Variants in ZFHX3 observed in about 807,000 individuals in gnomAD.
The protein encoded by ZFHX3 is zinc finger homeobox 3, also known as zinc finger homeobox protein 3.
ZFHX3 carries 42 observed loss-of-function variants against 279.1 expected under a neutral mutation model. The ratio of observed to expected loss-of-function variants is 0.15; its 90% confidence interval spans 0.12 to 0.19. The LOEUF (loss-of-function observed/expected upper bound fraction) is 0.19, where lower values mean the gene tolerates loss of function less well. ZFHX3 is among the 10% of genes least tolerant of loss of function. ZFHX3 has a pLI of 1.00. For missense variants in ZFHX3, 4,981 were observed against 4,754.0 expected (o/e 1.05, Z -1.40); for synonymous variants, 2,293 against 1,957.8 (o/e 1.17, Z -4.52).
At chr16:73,478,399 G>A (rs573202210) in intron 2 of ZFHX3, among the ~76,000 whole-genome samples, 24 of 152,026 alleles carry the variant, frequency 1.6e-4, no homozygotes, top group East Asian at 7.7e-4. Flanking sequence ...CTTCTTCCCT[G>A]CTAGTTTATT....
chr16:72,795,509 G>A lies in ZFHX3; in HGVS notation c.7173C>T (p.Tyr2391=), dbSNP rs745412336. The A allele has an allele frequency of 1.1e-5, 18 of 1,614,052 alleles. No homozygotes were observed. Among genetic ancestry groups the A allele is most frequent in the Non-Finnish European group, 1.5e-5 (18 of 1,180,032 alleles). The stretch of plus-strand genomic sequence containing the variant: ...TATTGGCTGATGGTGCTGGGGCGCT[G>A]TAAGCCTGTGAGGGCATCGGGGTAC... ...SCSTPMPSQA[Y]SAPAPSANNT... is the part of the protein sequence containing the mutation. Residue 2391 remains tyrosine (Y), a synonymous_variant, in exon 9 of 10, where the codon TAC becomes TAT. Transcript: ENST00000268489.
chr16:73,080,970 C>G (rs373719526), intron 8 of ZFHX3, among the ~76,000 whole-genome samples: 4 of 152,172 alleles, frequency 2.6e-5, no homozygotes, highest in African/African-American at 9.7e-5. Context: ...TCCCTCCACC[C>G]GAGTTTGTGC....
intron 6 of ZFHX3, among the ~76,000 whole-genome samples, chr16:73,135,539 C>G (rs966608387): frequency 6.6e-6 from 1 of 152,166 alleles, no homozygotes; most frequent in Non-Finnish European, 1.5e-5. Context: ...TTTTTAGTTC[C>G]GAATCGCTCA....
chr16:73,024,297 G>A (rs1438288855), intron 1 of ZFHX3, among the ~76,000 whole-genome samples: 1 of 152,158 alleles, frequency 6.6e-6, no homozygotes, highest in African/African-American at 2.4e-5. Context: ...TCTCCCAGCT[G>A]GGGAGAAACT....
chr16:73,231,695 G>A (rs150204310), intron 5 of ZFHX3, among the ~76,000 whole-genome samples: 1 of 152,296 alleles, frequency 6.6e-6, no homozygotes, highest in Non-Finnish European at 1.5e-5. Context: ...TCTCCAAGAA[G>A]CAAATGTATC....
intron 1 of ZFHX3, among the ~76,000 whole-genome samples, chr16:73,788,733 T>C (rs1240068445): frequency 2.6e-5 from 4 of 151,374 alleles, no homozygotes; most frequent in Admixed American, 2.0e-4. Flanking sequence ...TATCTATATA[T>C]AGATATATCT....
chr16:73,505,206 A>C (rs1157465233), intron 2 of ZFHX3, among the ~76,000 whole-genome samples: 13 of 152,212 alleles, frequency 8.5e-5, no homozygotes, highest in Admixed American at 8.5e-4. Context: ...GAAAAAATAC[A>C]ATAAATATAA....
intron 1 of ZFHX3, among the ~76,000 whole-genome samples, chr16:73,739,769 T>C (rs1203486741): frequency 3.9e-5 from 6 of 152,200 alleles, no homozygotes; most frequent in African/African-American, 9.6e-5. Flanking sequence ...TGGTCTAGGC[T>C]GGTCCAGGCC....
At chr16:73,562,574 C>G (rs912979585) in intron 2 of ZFHX3, among the ~76,000 whole-genome samples, 2 of 131,724 alleles carry the variant, frequency 1.5e-5, no homozygotes, top group Admixed American at 1.8e-4. Context: ...CCAGCCTGGG[C>G]GACAGAGCCA....
At chr16:72,926,514 AGCTGG>A (rs1959455326) in intron 3 of ZFHX3, among the ~76,000 whole-genome samples, 1 of 152,224 alleles carries the variant, frequency 6.6e-6, no homozygotes, top group Admixed American at 6.5e-5. Flanking sequence ...TTCTCAAATG[AGCTGG>A]AAGTGTCTCT....
At chr16:73,074,346 A>G (rs1036736964) in intron 8 of ZFHX3, among the ~76,000 whole-genome samples, 2 of 152,210 alleles carry the variant, frequency 1.3e-5, no homozygotes, top group South Asian at 2.1e-4. Context: ...GTAAAACTGT[A>G]CGGAAACCAA....
At chr16:73,446,636 G>A (rs930460190) in intron 3 of ZFHX3, among the ~76,000 whole-genome samples, 4 of 152,124 alleles carry the variant, frequency 2.6e-5, no homozygotes, top group Non-Finnish European at 5.9e-5. Flanking sequence ...CACAGGAATA[G>A]AAAACCAAGT....
intron 1 of ZFHX3, among the ~76,000 whole-genome samples, chr16:73,018,742 C>G (rs1280481392): frequency 6.6e-6 from 1 of 152,220 alleles, no homozygotes; most frequent in Non-Finnish European, 1.5e-5. Context: ...CCCTGAAGGA[C>G]TGAAGCTAGC....
At chr16:73,549,994 ATTTATC>A (rs921664650) in intron 2 of ZFHX3, among the ~76,000 whole-genome samples, 5 of 151,566 alleles carry the variant, frequency 3.3e-5, no homozygotes, top group African/African-American at 1.2e-4. Context: ...AGATAAAACA[ATTTATC>A]TTTATCATTT....
In ZFHX3 at chr16:72,797,106, G is replaced by C; in HGVS notation, c.5576C>G (p.Ser1859Cys). 4 of 1,613,846 alleles carry C rather than the reference G, an allele frequency of 2.5e-6. No homozygotes were observed. Among genetic ancestry groups the C allele is most frequent in the Non-Finnish European group, 3.4e-6 (4 of 1,180,020 alleles). ...ILPQQQQNQL[S>C]IAQSHSALLQ... is the part of the protein sequence containing the mutation. ...GAGGGCAGAGTGACTCTGGGCTATAGAGAGTTGGTTCTGCTGCTGCTGCGG... is the reference window on the plus strand; with the variant it reads ...GAGGGCAGAGTGACTCTGGGCTATACAGAGTTGGTTCTGCTGCTGCTGCGG... Residue 1859 changes from serine (S) to cysteine (C), a missense_variant, in exon 9 of 10, where the codon TCT (serine) becomes TGT (cysteine). Around this residue, in one of 7 missense-constraint regions of ZFHX3, gnomAD observed 1,751 missense variants for 1,770.0 expected, o/e 0.99. Transcript: ENST00000268489.
chr16:73,313,901 A>T (rs1372418976), intron 4 of ZFHX3, among the ~76,000 whole-genome samples: 1 of 152,138 alleles, frequency 6.6e-6, no homozygotes, highest in African/African-American at 2.4e-5. Flanking sequence ...TGAACTCAGG[A>T]GTTCGAGACC....
At chr16:73,133,800 C>G (rs529841003) in intron 6 of ZFHX3, among the ~76,000 whole-genome samples, 6 of 152,174 alleles carry the variant, frequency 3.9e-5, no homozygotes, top group Non-Finnish European at 8.8e-5. Context: ...TTGGGACATA[C>G]CCTGTTAGAA....
At chr16:73,027,882 G>A (rs909567701) in intron 1 of ZFHX3, among the ~76,000 whole-genome samples, 3 of 152,148 alleles carry the variant, frequency 2.0e-5, no homozygotes, top group Non-Finnish European at 4.4e-5. Flanking sequence ...TGCTCAACTA[G>A]TGTTTAATAC....
Position 73,296,877 on chromosome 16 carries a change from A to ATTTTTTTTTTTTT in ZFHX3, c.-1194+21350_-1194+21362dup, listed in dbSNP as rs201366558. Among the ~76,000 whole-genome samples, 484 of 115,968 alleles carry ATTTTTTTTTTTTT rather than the reference A, an allele frequency of 4.2e-3. 47 individuals carry two copies. The highest frequency in any genetic ancestry group is 0.014 in the African/African-American group (411 of 28,654). 76.1% of individuals were successfully genotyped at this position (115,968 alleles called of 152,430 possible). On this transcript the variant is annotated intron_variant, in intron 4 of 17. Coordinates refer to the ZFHX3 transcript ENST00000641206. ...TTTATAATTGCCATGTGAAGCAGGA[A>ATTTTTTTTTTTTT]TTTTTTTTTTTTTTTTTTTGAGACG...
Sources: gnomAD v4.1 joint callset for allele counts (sites outside exome capture counted in the v4.1 genomes callset) on GRCh38, gnomAD v4.1.1 for gene constraint, gnomAD v4.1.1 regional missense constraint, MANE v1.5 for transcripts, NCBI Gene and HGNC (gene_info 2026-07-23, HGNC 2026-07-21) for gene names.